POLR3F: variants seen among roughly 807,000 people sequenced by gnomAD.
POLR3F encodes the protein RNA polymerase III subunit F.
In POLR3F, 31 loss-of-function variants were observed where a neutral mutation model predicts 43.6. The ratio of observed to expected loss-of-function variants is 0.71; its 90% confidence interval spans 0.53 to 0.96. The LOEUF (loss-of-function observed/expected upper bound fraction) is 0.96, where lower values mean the gene tolerates loss of function less well. Among genes scored for constraint, POLR3F ranks in the 40% least tolerant of loss-of-function variants. The pLI, the probability that POLR3F is intolerant of heterozygous loss-of-function variation, is 0.00. For missense variants in POLR3F, 316 were observed against 391.7 expected, an observed-to-expected ratio of 0.81 and a Z score of 1.63; for synonymous variants, 114 against 132.5, an observed-to-expected ratio of 0.86 and a Z score of 0.96.
Position 18,481,749 on chromosome 20 carries a change from G to A in POLR3F, c.812G>A (p.Arg271Lys). The A allele has an allele frequency of 6.2e-7, 1 of 1,613,112 alleles. No homozygotes were observed. The highest frequency in any genetic ancestry group is 8.5e-7 in the Non-Finnish European group (1 of 1,179,414). The change falls in exon 8 of 9, where the codon AGG becomes AAG. Residue 271 changes from arginine (R) to lysine (K), a missense_variant. Arg to Lys is a conservative substitution (Grantham distance 26). This residue lies in a region of POLR3F where 85 missense variants were observed against 80.2 expected (regional missense o/e 1.06). Transcript: ENST00000377603. ...GSVDGHMKLY[R>K]AVNPIIPPTG... ...GTAGATGGACACATGAAACTGTACA[G>A]GGCAGTCAATCCAATCATCCCTCCC... is the stretch of plus-strand genomic sequence containing the variant.
intron 4 of POLR3F, 82 bp downstream of exon 4, chr20:18,473,540 A>G (rs901738363): frequency 7.2e-6 from 5 of 690,228 alleles, no homozygotes; most frequent in Admixed American, 2.1e-5. Context: ...TTCCCAGGGT[A>G]GAACTCAGTG....
chr20:18,468,343 G>A (rs2059717040), intron 1 of POLR3F, among the ~76,000 whole-genome samples: 2 of 152,214 alleles, frequency 1.3e-5, no homozygotes, highest in Admixed American at 6.5e-5. Context: ...CCAAAGTGCT[G>A]GGATTACAGG....
intron 8 of POLR3F, among the ~76,000 whole-genome samples, chr20:18,482,372 G>T (rs141425826): frequency 8.9e-4 from 135 of 152,048 alleles, no homozygotes; most frequent in Non-Finnish European, 1.6e-3. Context: ...TTTTGATGAG[G>T]GCTAATCATT....
chr20:18,468,014 G>A (rs770436427), intron 1 of POLR3F, among the ~76,000 whole-genome samples: 2 of 152,180 alleles, frequency 1.3e-5, no homozygotes, highest in Non-Finnish European at 2.9e-5. Flanking sequence ...CATTAAGCCA[G>A]GTGGTTTCAG....
intron 5 of POLR3F, among the ~76,000 whole-genome samples, chr20:18,477,009 G>A (rs2059783829): frequency 6.6e-6 from 1 of 151,642 alleles, no homozygotes; most frequent in Non-Finnish European, 1.5e-5. Flanking sequence ...AGGAGGCAGA[G>A]GTTGCAGTGA....
chr20:18,471,618 C>T (rs2059751615), intron 2 of POLR3F, among the ~76,000 whole-genome samples: 1 of 152,198 alleles, frequency 6.6e-6, no homozygotes, highest in Admixed American at 6.5e-5. Flanking sequence ...TTCGTGGGGT[C>T]AGGGAACAGG....
chr20:18,482,619 A>T (rs2059816637), intron 8 of POLR3F, among the ~76,000 whole-genome samples: 1 of 151,770 alleles, frequency 6.6e-6, no homozygotes, highest in Admixed American at 6.6e-5. Context: ...ATGCCCCAGC[A>T]CTCCTCCTTC....
chr20:18,467,853 G>C (rs893793304), intron 1 of POLR3F, among the ~76,000 whole-genome samples: 3 of 152,170 alleles, frequency 2.0e-5, no homozygotes, highest in African/African-American at 7.2e-5. Context: ...ACTTTGACGC[G>C]ATCAGTGCTT....
Position 18,481,807 on chromosome 20 carries a change from C to G in POLR3F, c.870C>G (p.Cys290Trp), listed in dbSNP as rs1215940926. The G allele has an allele frequency of 1.2e-6, 2 of 1,605,372 alleles. No homozygotes were observed. Among genetic ancestry groups the G allele is most frequent in the South Asian group, 2.2e-5 (2 of 90,646 alleles). Residue 290 changes from cysteine (C) to tryptophan (W), a missense_variant, in exon 8 of 9, where the codon TGC becomes TGG. Coordinates refer to ENST00000377603, the MANE Select transcript of POLR3F (RefSeq NM_006466.4). ...TGGTCCGGGCACCCTGTGGACTCTG[C>G]CCGGTGAGTTAAAGTGGCTTCACTT... The part of the protein sequence containing the change: ...TGLVRAPCGL[C>W]PVFDDCHEGG...
At chr20:18,468,165 C>T (rs914074801) in intron 1 of POLR3F, among the ~76,000 whole-genome samples, 7 of 152,180 alleles carry the variant, frequency 4.6e-5, no homozygotes, top group Non-Finnish European at 1.0e-4. Flanking sequence ...CAATCTCCGC[C>T]TCCCGGGTTC....
At chr20:18,468,597 T>C (rs2059721908) in intron 1 of POLR3F, among the ~76,000 whole-genome samples, 2 of 152,208 alleles carry the variant, frequency 1.3e-5, no homozygotes, top group Admixed American at 1.3e-4. Context: ...ATTTGCCTCC[T>C]GCTTGCAGAT....
chr20:18,467,444 C>A lies in POLR3F; in HGVS notation c.-63C>A. ...CTATCCTCCACTGGTTCCCCGGGTT[C>A]CCCGGCTTGCTACCGGGCTGCTCCG... On this transcript the variant is annotated 5_prime_UTR_variant, in exon 1 of 9. Transcript: ENST00000377603. The A allele has an allele frequency of 1.3e-6, 2 of 1,580,134 alleles. No individual in the cohort carries two copies. The highest frequency in any genetic ancestry group is 1.7e-6 in the Non-Finnish European group (2 of 1,149,262).
In POLR3F at chr20:18,484,425, T is replaced by C; in HGVS notation, c.*867T>C. 1 of 302,914 alleles carries C rather than the reference T, an allele frequency of 3.3e-6. No individual in the cohort carries two copies. 18.8% of individuals were successfully genotyped at this position (302,914 alleles called of 1,614,324 possible). On this transcript the variant is annotated 3_prime_UTR_variant, in exon 9 of 9. Coordinates refer to ENST00000377603, the MANE Select transcript of POLR3F (RefSeq NM_006466.4). ...ATTTGGAGGTGGGGCTTTTGGTAAG[T>C]GATAGGTCAGGAGAGTAACAGCGCT...
chr20:18,473,118 ATATT>A (rs1465061681), intron 3 of POLR3F: 2 of 336,558 alleles, frequency 5.9e-6, no homozygotes, highest in African/African-American at 4.3e-5. Context: ...AGATGATTAT[ATATT>A]TATATATAAT....
In POLR3F at chr20:18,481,748, A is replaced by C; in HGVS notation, c.811A>C (p.Arg271=). The C allele has an allele frequency of 6.2e-7, 1 of 1,613,596 alleles. No individual in the cohort carries two copies. The highest frequency in any genetic ancestry group is 8.5e-7 in the Non-Finnish European group (1 of 1,179,534). ...GSVDGHMKLY[R]AVNPIIPPTG... ...TGTAGATGGACACATGAAACTGTAC[A>C]GGGCAGTCAATCCAATCATCCCTCC... The change falls in exon 8 of 9, where the codon AGG becomes CGG. Residue 271 remains arginine, a synonymous_variant. Transcript: ENST00000377603.
At chr20:18,483,352 T>C (rs1293917160) in intron 8 of POLR3F, 129 bp from the exon 9 acceptor site, 8 of 487,032 alleles carry the variant, frequency 1.6e-5, no homozygotes, top group Admixed American at 4.0e-5. Context: ...GGCTATAATA[T>C]GTTCTTAAGT....
rs192765134 is a variant in POLR3F, at chr20:18,470,100, C to T, written c.180+1039C>T. On this transcript the variant is annotated intron_variant, in intron 2 of 8. Coordinates refer to ENST00000377603, the MANE Select transcript of POLR3F (RefSeq NM_006466.4). Reference sequence around the variant, plus strand: ...TGTCTAAAAACCCACCAAGTGGTGCCGATGCTCTAAATCTCCCTTACTTTC... The same window carrying T: ...TGTCTAAAAACCCACCAAGTGGTGCTGATGCTCTAAATCTCCCTTACTTTC... 2.5e-3 allele frequency among the ~76,000 whole-genome samples: 383 copies of T among 152,306 alleles called. 7 individuals carry two copies. Among genetic ancestry groups the T allele is most frequent in the Non-Finnish European group, 8.5e-4 (58 of 68,032 alleles).
chr20:18,468,888 C>T lies in POLR3F; in HGVS notation c.63-56C>T, dbSNP rs1375843240. ...ACTATTCTACTTGTATTTTTACCCC[C>T]ACTGTCTCTTGAAACAGGTAACCAT... is the stretch of plus-strand genomic sequence containing the variant. On this transcript the variant is annotated intron_variant, in intron 1 of 8. Coordinates refer to ENST00000377603, the MANE Select transcript of POLR3F (RefSeq NM_006466.4). The T allele has an allele frequency of 9.5e-6, 8 of 841,074 alleles. No homozygotes were observed. The East Asian group carries it at 1.7e-4, about 18-fold the overall frequency. 52.1% of individuals were successfully genotyped at this position (841,074 alleles called of 1,614,324 possible).
intron 5 of POLR3F, among the ~76,000 whole-genome samples, chr20:18,478,157 A>G (rs531966311): frequency 6.6e-6 from 1 of 152,278 alleles, no homozygotes; most frequent in African/African-American, 2.4e-5. Context: ...CTATTGGGAA[A>G]TTCCAAAGAT....
Sources: gnomAD v4.1 joint callset for allele counts (sites outside exome capture counted in the v4.1 genomes callset) on GRCh38, gnomAD v4.1.1 for gene constraint, gnomAD v4.1.1 regional missense constraint, MANE v1.5 for transcripts, NCBI Gene and HGNC (gene_info 2026-07-23, HGNC 2026-07-21) for gene names.